Variants in RIMKLB observed in about 807,000 individuals in gnomAD.
The protein encoded by RIMKLB is beta-citrylglutamate synthase B.
RIMKLB carries 7 observed loss-of-function variants against 32.0 expected under a neutral mutation model. That is an observed-to-expected ratio of 0.22 (90% CI 0.12 to 0.41). RIMKLB has a LOEUF of 0.41. Among genes scored for constraint, RIMKLB ranks in the 10% least tolerant of loss-of-function variants. The pLI is 1.00. For synonymous variants in RIMKLB, 172 were observed against 185.1 expected, an observed-to-expected ratio of 0.93 and a Z score of 0.57; for missense variants, 289 against 498.7, an observed-to-expected ratio of 0.58 and a Z score of 4.00.
chr12:8,686,603 G>A lies in RIMKLB; in HGVS notation n.219+4785G>A, dbSNP rs145616819. On this transcript the variant is annotated intron_variant and non_coding_transcript_variant, in intron 1 of 1. Coordinates refer to the RIMKLB transcript ENST00000538758. The stretch of plus-strand genomic sequence containing the variant: ...CATGCCATTCTCCTGCCTCAGCCTC[G>A]CAAGTAGCTGGGACTACAGGCGCCC... Among the ~76,000 whole-genome samples, 9 of 151,496 alleles carry A rather than the reference G, an allele frequency of 5.9e-5. 1 individual carries two copies. The South Asian group carries it at 1.2e-3, about 21-fold the overall frequency.
At chr12:8,732,319 C>T (rs1391539450) in intron 2 of RIMKLB, among the ~76,000 whole-genome samples, 1 of 152,070 alleles carries the variant, frequency 6.6e-6, no homozygotes, top group Non-Finnish European at 1.5e-5. Flanking sequence ...ATTTGGAGCA[C>T]TTTTGATCCT....
intron 1 of RIMKLB, among the ~76,000 whole-genome samples, chr12:8,687,818 A>G (rs1026523336): frequency 1.4e-5 from 2 of 138,660 alleles, no homozygotes; most frequent in African/African-American, 5.3e-5. Flanking sequence ...CCAAGTCAGG[A>G]AGAAAAAAAA....
intron 2 of RIMKLB, among the ~76,000 whole-genome samples, chr12:8,748,491 C>T (rs1448265639): frequency 6.7e-6 from 1 of 149,594 alleles, no homozygotes; most frequent in African/African-American, 2.5e-5. Context: ...GGTTTTGAAA[C>T]GTCCCCCACA....
intron 5 of RIMKLB, among the ~76,000 whole-genome samples, chr12:8,759,067 C>T (rs991449695): frequency 6.6e-6 from 1 of 152,084 alleles, no homozygotes; most frequent in Non-Finnish European, 1.5e-5. Flanking sequence ...TGATAAGTCT[C>T]ATCAAGGTTG....
At chr12:8,780,388 C>G (rs1161636544), downstream of RIMKLB, 1 of 152,140 alleles carries the variant, frequency 6.6e-6, no homozygotes, top group Non-Finnish European at 1.5e-5. Context: ...TTAGCATGAA[C>G]ATGGATCATA....
chr12:8,777,390 T>C, downstream of RIMKLB: 1 of 985,136 alleles, frequency 1.0e-6, no homozygotes. Flanking sequence ...TAGTTTTGTT[T>C]TGGATTTTTG....
intron 1 of RIMKLB, among the ~76,000 whole-genome samples, chr12:8,706,293 C>T (rs970963493): frequency 6.6e-6 from 1 of 151,962 alleles, no homozygotes; most frequent in East Asian, 1.9e-4. Flanking sequence ...GTGCCCACCA[C>T]CATGCCTAGC....
chr12:8,699,131 G>GC (rs1283647334), intron 1 of RIMKLB, among the ~76,000 whole-genome samples: 1 of 152,170 alleles, frequency 6.6e-6, no homozygotes, highest in Non-Finnish European at 1.5e-5. Flanking sequence ...CATGCTCAAT[G>GC]CAACTGCTAT....
chr12:8,699,921 C>T (rs751439745), intron 1 of RIMKLB: 7 of 152,228 alleles, frequency 4.6e-5, no homozygotes, highest in Non-Finnish European at 1.0e-4. Flanking sequence ...CTTGCCCCCC[C>T]GCAGGGGGTA....
chr12:8,779,719 C>T (rs1228117465), downstream of RIMKLB: 1 of 152,022 alleles, frequency 6.6e-6, no homozygotes, highest in African/African-American at 2.4e-5. Context: ...GAGACTGTCC[C>T]TTAATAGCTA....
chr12:8,733,004 C>G (rs1333673934), intron 2 of RIMKLB, among the ~76,000 whole-genome samples: 1 of 152,044 alleles, frequency 6.6e-6, no homozygotes, highest in African/African-American at 2.4e-5. Context: ...CAGCTATAAA[C>G]AAATCTTTTT....
intron 5 of RIMKLB, among the ~76,000 whole-genome samples, chr12:8,754,996 G>A (rs1948903043): frequency 6.6e-6 from 1 of 152,146 alleles, no homozygotes; most frequent in Admixed American, 6.5e-5. Flanking sequence ...CTGTCACCCA[G>A]GCTGGAATGC....
intron 2 of RIMKLB, among the ~76,000 whole-genome samples, chr12:8,716,327 G>A (rs1157777618): frequency 1.3e-5 from 2 of 151,904 alleles, no homozygotes; most frequent in African/African-American, 4.8e-5. Flanking sequence ...CTATCACAGT[G>A]GAACTTGCTT....
intron 1 of RIMKLB, among the ~76,000 whole-genome samples, chr12:8,711,690 C>T (rs1337509726): frequency 1.3e-5 from 2 of 151,562 alleles, no homozygotes; most frequent in South Asian, 2.1e-4. Flanking sequence ...ATTTTAAGGG[C>T]ATTTTTACAA....
intron 5 of RIMKLB, among the ~76,000 whole-genome samples, chr12:8,757,841 G>C (rs1456541831): frequency 6.6e-6 from 1 of 152,040 alleles, no homozygotes; most frequent in Non-Finnish European, 1.5e-5. Context: ...TCTCCAAAGT[G>C]AGCATACTAC....
intron 1 of RIMKLB, among the ~76,000 whole-genome samples, chr12:8,685,022 T>G (rs1942530002): frequency 6.6e-6 from 1 of 152,248 alleles, no homozygotes; most frequent in Admixed American, 6.5e-5. Flanking sequence ...TAGAATTGCT[T>G]ATTAGTTTCA....
At chr12:8,728,505 C>T (rs1946238440) in intron 2 of RIMKLB, among the ~76,000 whole-genome samples, 1 of 152,068 alleles carries the variant, frequency 6.6e-6, no homozygotes, top group African/African-American at 2.4e-5. Flanking sequence ...CCAGAGGGGG[C>T]TGGAGTTTTG....
chr12:8,707,345 TACATAACTCAGGGAA>T (rs781299983), intron 1 of RIMKLB, among the ~76,000 whole-genome samples: 1 of 152,348 alleles, frequency 6.6e-6, no homozygotes, highest in East Asian at 1.9e-4. Context: ...TAGAGCAGTT[TACATAACTCAGGGAA>T]ACATGTTTAC....
At chr12:8,714,850 A>T (rs770530904) in intron 2 of RIMKLB, among the ~76,000 whole-genome samples, 2 of 152,242 alleles carry the variant, frequency 1.3e-5, no homozygotes, top group Non-Finnish European at 2.9e-5. Context: ...ATTTAATGAT[A>T]GTATAAATAC....
Sources: allele counts gnomAD v4.1 joint callset (sites outside exome capture counted in the v4.1 genomes callset), GRCh38; gene constraint gnomAD v4.1.1; transcripts MANE v1.5; gene names NCBI Gene and HGNC (gene_info 2026-07-23, HGNC 2026-07-21).